Variants in ZNF157 observed in about 807,000 individuals in gnomAD.
ZNF157 encodes the protein zinc finger protein 22.
Under a neutral mutation model 9.4 loss-of-function variants are expected in ZNF157, and 8 were observed. That is an observed-to-expected ratio of 0.85 (90% CI 0.50 to 1.53). The LOEUF (loss-of-function observed/expected upper bound fraction) is 1.53, where lower values mean the gene tolerates loss of function less well. ZNF157 is among the 40% of genes most tolerant of loss of function. The pLI is 0.00. For synonymous variants in ZNF157, 120 were observed against 130.8 expected, an observed-to-expected ratio of 0.92 and a Z score of 0.56; for missense variants, 316 against 385.2, an observed-to-expected ratio of 0.82 and a Z score of 1.50.
At chrX:47,405,161 G>A (rs2055943225) in intron 1 of ZNF157, among the ~76,000 whole-genome samples, 1 of 111,187 alleles carries the variant, frequency 9.0e-6, no homozygotes, top group Admixed American at 9.7e-5. Flanking sequence ...GCTGAGGCGG[G>A]TAGATCACCT....
chrX:47,373,727 T>G (rs895889011), intron 1 of ZNF157, among the ~76,000 whole-genome samples: 1 of 105,524 alleles, frequency 9.5e-6, no homozygotes, highest in Non-Finnish European at 1.9e-5. Context: ...TTTTTTTAAA[T>G]GCAGGGTCTC....
chrX:47,372,602 C>T (rs1215153079), intron 1 of ZNF157, among the ~76,000 whole-genome samples: 2 of 105,582 alleles, frequency 1.9e-5, no homozygotes, highest in African/African-American at 7.0e-5. Flanking sequence ...TCAAGTGATT[C>T]TCCTGCCTCA....
chrX:47,400,375 G>A (rs765902445), intron 1 of ZNF157, among the ~76,000 whole-genome samples: 31 of 110,202 alleles, frequency 2.8e-4, no homozygotes, highest in African/African-American at 5.9e-4. Context: ...GCCAAGGCTC[G>A]TCTCAAACTC....
At chrX:47,388,210 C>G (rs1270298793) in intron 1 of ZNF157, among the ~76,000 whole-genome samples, 1 of 109,792 alleles carries the variant, frequency 9.1e-6, no homozygotes, top group Non-Finnish European at 1.9e-5. Context: ...CCTAAGCCTC[C>G]TGAGTAGCAG....
chrX:47,387,023 A>G (rs2055881569), intron 1 of ZNF157, among the ~76,000 whole-genome samples: 1 of 110,300 alleles, frequency 9.1e-6, no homozygotes, highest in Non-Finnish European at 1.9e-5. Context: ...GCTGGAGTGC[A>G]GTGGTGTGAT....
In ZNF157 at chrX:47,370,648, G is replaced by A. The variant is rs754257980; in HGVS notation, c.-21G>A. 2 of 1,199,614 alleles carry A rather than the reference G, an allele frequency of 1.7e-6. No homozygotes were observed. Among genetic ancestry groups the A allele is most frequent in the South Asian group, 3.7e-5 (2 of 54,499 alleles). On this transcript the variant is annotated 5_prime_UTR_variant, in exon 1 of 4. Transcript: ENST00000377073. ...CAGACAGCTGTCCAGCACGGAAGGT[G>A]GGCTGAGGCCCAGGGTGAACATGCC...
Position 47,412,841 on chromosome X carries a change from T to G in ZNF157, c.768T>G (p.Ser256=), listed in dbSNP as rs770068932. The G allele has an allele frequency of 3.7e-5, 45 of 1,211,787 alleles. No homozygotes were observed. Among genetic ancestry groups the G allele is most frequent in the Non-Finnish European group, 4.6e-5 (41 of 895,443 alleles). Residue 256 remains serine, a synonymous_variant, in exon 4 of 4, where the codon TCT becomes TCG. Coordinates refer to ENST00000377073, the MANE Select transcript of ZNF157 (RefSeq NM_003446.4). ...GTACTGAATGTGGGAAAACCTTTTC[T>G]GAGAAGGCAACCCTCACGATTCATC... ...YECTECGKTF[S]EKATLTIHQR... is the part of the protein sequence containing the mutation.
intron 1 of ZNF157, among the ~76,000 whole-genome samples, chrX:47,376,616 CA>C (rs1309694028): frequency 9.2e-6 from 1 of 108,276 alleles, no homozygotes; most frequent in African/African-American, 3.3e-5. Flanking sequence ...AACTCCGTCT[CA>C]AAAAAAAACA....
chrX:47,405,209 G>A (rs1174895458), intron 1 of ZNF157, among the ~76,000 whole-genome samples: 1 of 110,781 alleles, frequency 9.0e-6, no homozygotes, highest in Non-Finnish European at 1.9e-5. Context: ...CCAACATGGT[G>A]AAACCCCATT....
intron 1 of ZNF157, among the ~76,000 whole-genome samples, chrX:47,371,991 T>G (rs921480845): frequency 6.2e-5 from 7 of 112,294 alleles, no homozygotes; most frequent in African/African-American, 2.3e-4. Context: ...ATCTTGGTTG[T>G]TTCTAGTTGT....
At chrX:47,411,052 G>A (rs1371389568) in intron 3 of ZNF157, among the ~76,000 whole-genome samples, 6 of 106,306 alleles carry the variant, frequency 5.6e-5, no homozygotes, top group Admixed American at 2.0e-4. Flanking sequence ...GCAGTGGTGC[G>A]ATCTCAGCTC....
intron 1 of ZNF157, among the ~76,000 whole-genome samples, chrX:47,384,262 T>TA (rs925863740): frequency 9.1e-6 from 1 of 110,396 alleles, no homozygotes; most frequent in Non-Finnish European, 1.9e-5. Flanking sequence ...AAGTTTTTTT[T>TA]AAAAAATAAA....
chrX:47,370,705 G>A lies in ZNF157; in HGVS notation c.37G>A (p.Ala13Thr), dbSNP rs1669701792. 1 of 1,204,119 alleles carries A rather than the reference G, an allele frequency of 8.3e-7. No homozygotes were observed. Among genetic ancestry groups the A allele is most frequent in the African/African-American group, 1.8e-5 (1 of 56,941 alleles). The change falls in exon 1 of 4, where the codon GCC becomes ACC. Residue 13 changes from alanine to threonine, a missense_variant. By Grantham distance (58) the Ala-to-Thr change is moderately conservative. This residue lies in a region of ZNF157 where 146 missense variants were observed against 183.8 expected (regional missense o/e 0.79). Transcript: ENST00000377073. The part of the protein sequence containing the change: ...ANGTSPQRFP[A>T]LIPGEPGRSF... The stretch of plus-strand genomic sequence containing the variant: ...TGGGACATCACCCCAGAGATTCCCT[G>A]CCCTGATTCCAGGAGAACCTGGCAG...
chrX:47,374,354 G>A (rs2055837104), intron 1 of ZNF157, among the ~76,000 whole-genome samples: 1 of 109,618 alleles, frequency 9.1e-6, no homozygotes, highest in African/African-American at 3.3e-5. Flanking sequence ...AACAATTGTG[G>A]GATTGTATGC....
Position 47,413,200 on chromosome X carries a change from A to G in ZNF157, c.1127A>G (p.His376Arg). The change falls in exon 4 of 4, where the codon CAT (histidine) becomes CGT (arginine). Residue 376 changes from histidine (H) to arginine (R), a missense_variant. His to Arg is a conservative substitution (Grantham distance 29). Around this residue, in one of 3 missense-constraint regions of ZNF157, gnomAD observed 167 missense variants for 183.6 expected, o/e 0.91. Coordinates refer to ENST00000377073, the MANE Select transcript of ZNF157 (RefSeq NM_003446.4). Reference protein sequence around the residue: ...SFRVHSSLGIHQRIHTGEKPY... With the variant: ...SFRVHSSLGIRQRIHTGEKPY... ...AGGGTGCACTCATCTCTTGGGATCC[A>G]TCAGAGAATTCACACAGGAGAGAAA... is the stretch of plus-strand genomic sequence containing the variant. 2 of 1,212,021 alleles carry G rather than the reference A, an allele frequency of 1.7e-6. No homozygotes were observed. Among genetic ancestry groups the G allele is most frequent in the South Asian group, 1.8e-5 (1 of 57,010 alleles).
At chrX:47,398,085 C>T (rs2055919311) in intron 1 of ZNF157, among the ~76,000 whole-genome samples, 1 of 110,695 alleles carries the variant, frequency 9.0e-6, no homozygotes, top group African/African-American at 3.3e-5. Context: ...CTGCAACCTC[C>T]TCCACCTGGG....
In ZNF157 at chrX:47,375,304, G is replaced by A. The variant is rs771544878; in HGVS notation, c.72+4564G>A. On this transcript the variant is annotated intron_variant, in intron 1 of 3. Coordinates refer to ENST00000377073, the MANE Select transcript of ZNF157 (RefSeq NM_003446.4). ...TGCTGGGATTATAGGCATGAGCCAT[G>A]GTGCCTGGCTGATAATCATTTTTAA... 1.3e-4 allele frequency among the ~76,000 whole-genome samples: 14 copies of A among 109,384 alleles called. No individual in the cohort carries two copies. In the South Asian group the frequency reaches 5.1e-3, roughly 40 times the overall value. 95.0% of individuals were successfully genotyped at this position (109,384 alleles called of 115,157 possible).
At chrX:47,397,517 C>T (rs752772010) in intron 1 of ZNF157, among the ~76,000 whole-genome samples, 103 of 109,871 alleles carry the variant, frequency 9.4e-4, no homozygotes, top group African/African-American at 3.0e-3. Flanking sequence ...TGGGTTCAAG[C>T]GATTCTCCTG....
intron 1 of ZNF157, among the ~76,000 whole-genome samples, chrX:47,377,282 G>A (rs1215847441): frequency 2.2e-5 from 2 of 90,974 alleles, no homozygotes; most frequent in Non-Finnish European, 4.1e-5. Context: ...CCAAATGCTC[G>A]GGGAGACTGA....
Sources: allele counts gnomAD v4.1 joint callset (sites outside exome capture counted in the v4.1 genomes callset), GRCh38; gene constraint gnomAD v4.1.1; regional missense constraint gnomAD v4.1.1; transcripts MANE v1.5; gene names NCBI Gene and HGNC (gene_info 2026-07-23, HGNC 2026-07-21).